The following SLC4A4 variants were observed in gnomAD, a reference collection of about 807,000 sequenced individuals.
The protein encoded by SLC4A4 is solute carrier family 4 member 4.
SLC4A4 carries 27 observed loss-of-function variants against 111.5 expected under a neutral mutation model. The ratio of observed to expected loss-of-function variants is 0.24; its 90% confidence interval spans 0.18 to 0.33. The LOEUF is 0.33. Ranked by LOEUF, SLC4A4 falls within the 10% of genes least tolerant of loss-of-function variation. The pLI is 1.00. For synonymous variants in SLC4A4, 443 were observed against 463.4 expected, an observed-to-expected ratio of 0.96 and a Z score of 0.57; for missense variants, 909 against 1,315.5, an observed-to-expected ratio of 0.69 and a Z score of 4.78.
chr4:71,102,431 A>G lies in SLC4A4; in HGVS notation c.-2+9639A>G, dbSNP rs1032027348. Among the ~76,000 whole-genome samples, 266 of 151,642 alleles carry G rather than the reference A, an allele frequency of 1.8e-3. 3 individuals are homozygous for G. Among genetic ancestry groups the G allele is most frequent in the Middle Eastern group, 3.4e-3 (1 of 294 alleles). On this transcript the variant is annotated intron_variant, in intron 2 of 26. Transcript: ENST00000649996. ...AGGAAATACAGAGAACGCCACAAAC[A>G]TACTCCTCGAGAAGAGCAACTCCAA...
At chr4:71,220,263 T>G (rs1165907439) in intron 1 of SLC4A4, among the ~76,000 whole-genome samples, 3 of 152,248 alleles carry the variant, frequency 2.0e-5, no homozygotes, top group Non-Finnish European at 4.4e-5. Context: ...TTGTTAGCAT[T>G]TTTTAGCAAT....
intron 4 of SLC4A4, among the ~76,000 whole-genome samples, chr4:71,347,355 G>A (rs979957024): frequency 6.6e-6 from 1 of 152,124 alleles, no homozygotes; most frequent in Admixed American, 6.6e-5. Flanking sequence ...AAATACCATA[G>A]ACTGGGTAGC....
intron 14 of SLC4A4, among the ~76,000 whole-genome samples, chr4:71,478,949 G>A (rs1466567057): frequency 6.6e-6 from 1 of 151,552 alleles, no homozygotes; most frequent in African/African-American, 2.4e-5. Flanking sequence ...TGTAAATCTT[G>A]CAGTGACTAT....
intron 4 of SLC4A4, among the ~76,000 whole-genome samples, chr4:71,346,855 A>C (rs977043978): frequency 1.3e-5 from 2 of 152,150 alleles, no homozygotes; most frequent in African/African-American, 4.8e-5. Flanking sequence ...TTTTAAAGCA[A>C]TTTAATAGGC....
At chr4:71,234,004 G>T (rs1264049442) in intron 1 of SLC4A4, among the ~76,000 whole-genome samples, 1 of 152,138 alleles carries the variant, frequency 6.6e-6, no homozygotes, top group Non-Finnish European at 1.5e-5. Flanking sequence ...TACTAACTTT[G>T]TTTCTGTTCC....
At chr4:71,456,633 A>G (rs1288664082) in intron 12 of SLC4A4, among the ~76,000 whole-genome samples, 2 of 152,144 alleles carry the variant, frequency 1.3e-5, no homozygotes, top group African/African-American at 4.8e-5. Context: ...CCTTGCAAAT[A>G]TTTATGGAGT....
intron 1 of SLC4A4, among the ~76,000 whole-genome samples, chr4:71,208,951 T>G (rs2602101): frequency 0.11 from 16,002 of 152,168 alleles, 1,220 homozygotes; most frequent in Admixed American, 0.24. Flanking sequence ...TGAAATTGGC[T>G]AGCAATCAGC....
At chr4:71,144,484 A>T (rs1197776067) in intron 2 of SLC4A4, among the ~76,000 whole-genome samples, 1 of 152,052 alleles carries the variant, frequency 6.6e-6, no homozygotes, top group Non-Finnish European at 1.5e-5. Context: ...TTCTGTGAAG[A>T]AAGTCATTGG....
chr4:71,290,257 C>T (rs886805891), intron 3 of SLC4A4, among the ~76,000 whole-genome samples: 2 of 152,098 alleles, frequency 1.3e-5, no homozygotes, highest in African/African-American at 4.8e-5. Context: ...GAGTATGTAT[C>T]ATGGTGGTGA....
chr4:71,410,910 C>G (rs1721307511), intron 7 of SLC4A4, among the ~76,000 whole-genome samples: 1 of 152,110 alleles, frequency 6.6e-6, no homozygotes, highest in Admixed American at 6.6e-5. Context: ...GTGCATTAAT[C>G]ATTATTTTTA....
rs185275247 is a variant in SLC4A4 at position 71,137,519 on chromosome 4, C to G, written c.-2+44727C>G. Reference sequence around the variant, plus strand: ...ATTCCTGATCTCAAGATACAAGGTCCTTTAACCACCCTCTCTTTTAGAACT... The same window carrying G: ...ATTCCTGATCTCAAGATACAAGGTCGTTTAACCACCCTCTCTTTTAGAACT... On this transcript the variant is annotated intron_variant, in intron 2 of 26. Coordinates refer to the SLC4A4 transcript ENST00000649996. Among the ~76,000 whole-genome samples the G allele has an allele frequency of 2.6e-5, 4 of 152,278 alleles. No individual in the cohort carries two copies. In the South Asian group the frequency reaches 6.2e-4, roughly 24 times the overall value.
intron 14 of SLC4A4, among the ~76,000 whole-genome samples, chr4:71,483,332 A>G (rs1320036201): frequency 6.6e-6 from 1 of 151,336 alleles, no homozygotes; most frequent in Non-Finnish European, 1.5e-5. Context: ...CCCACTCTCC[A>G]CCCTCTAATA....
At chr4:71,321,445 A>T (rs1234718943) in intron 3 of SLC4A4, among the ~76,000 whole-genome samples, 2 of 152,006 alleles carry the variant, frequency 1.3e-5, no homozygotes, top group Non-Finnish European at 2.9e-5. Flanking sequence ...GTGGTCTTTC[A>T]GCTTCTGGCC....
intron 1 of SLC4A4, among the ~76,000 whole-genome samples, chr4:71,063,428 C>A (rs926889536): frequency 6.6e-6 from 1 of 151,954 alleles, no homozygotes; most frequent in African/African-American, 2.4e-5. Context: ...CTTTTCTTAG[C>A]TATTGTTAAA....
intron 12 of SLC4A4, among the ~76,000 whole-genome samples, chr4:71,462,564 A>C (rs1317643482): frequency 6.6e-6 from 1 of 151,814 alleles, no homozygotes; most frequent in Admixed American, 6.6e-5. Flanking sequence ...GTGCACCACC[A>C]TGCCTGGCTA....
intron 16 of SLC4A4, among the ~76,000 whole-genome samples, chr4:71,508,715 T>C (rs987364333): frequency 6.6e-6 from 1 of 152,188 alleles, no homozygotes; most frequent in South Asian, 2.1e-4. Context: ...ACTGAAACTA[T>C]TCCATAAATT....
At chr4:71,256,999 A>C (rs2149063179) in intron 3 of SLC4A4, among the ~76,000 whole-genome samples, 2 of 152,316 alleles carry the variant, frequency 1.3e-5, no homozygotes, top group Admixed American at 1.3e-4. Flanking sequence ...AGGCCCAGGA[A>C]TTTTGAGATT....
intron 1 of SLC4A4, among the ~76,000 whole-genome samples, chr4:71,212,439 G>A (rs1167511730): frequency 6.6e-6 from 1 of 152,224 alleles, no homozygotes; most frequent in Non-Finnish European, 1.5e-5. Flanking sequence ...AGAAGGTGGG[G>A]GTTGCCCTTG....
chr4:71,564,794 T>C (rs2149258385), intron 24 of SLC4A4, among the ~76,000 whole-genome samples: 1 of 152,034 alleles, frequency 6.6e-6, no homozygotes, highest in East Asian at 1.9e-4. Flanking sequence ...GGAATGAATA[T>C]CTATTGATAA....
Sources: gnomAD v4.1 joint callset for allele counts (sites outside exome capture counted in the v4.1 genomes callset) on GRCh38, gnomAD v4.1.1 for gene constraint, MANE v1.5 for transcripts, NCBI Gene and HGNC (gene_info 2026-07-23, HGNC 2026-07-21) for gene names.